The following AGK variants were observed in gnomAD, a reference collection of about 807,000 sequenced individuals.
AGK encodes acylglycerol kinase, mitochondrial.
AGK carries 52 observed loss-of-function variants against 66.4 expected under a neutral mutation model. That is an observed-to-expected ratio of 0.78 (90% CI 0.63 to 0.99). AGK has a LOEUF of 0.99. Among genes scored for constraint, AGK ranks in the 50% least tolerant of loss-of-function variants. The pLI is 0.00. For synonymous variants in AGK, 182 were observed against 181.1 expected, an observed-to-expected ratio of 1.00 and a Z score of -0.04; for missense variants, 451 against 506.6, an observed-to-expected ratio of 0.89 and a Z score of 1.05.
chr7:141,569,467 G>T (rs1240262746), intron 2 of AGK, among the ~76,000 whole-genome samples: 2 of 152,146 alleles, frequency 1.3e-5, no homozygotes, highest in African/African-American at 4.8e-5. Flanking sequence ...CCGGGAGGTG[G>T]AGGCTACAGT....
chr7:141,629,531 A>G (rs1372765210), intron 9 of AGK, among the ~76,000 whole-genome samples: 1 of 151,970 alleles, frequency 6.6e-6, no homozygotes, highest in African/African-American at 2.4e-5. Flanking sequence ...TTCTGTGTTC[A>G]TGTGTACCCC....
chr7:141,601,341 C>A, intron 5 of AGK, 61 bp downstream of exon 5: 2 of 1,331,212 alleles, frequency 1.5e-6, no homozygotes, highest in South Asian at 1.3e-5. Context: ...ACAACCTCTT[C>A]TCTTGGCTTC....
At chr7:141,652,149 C>T (rs997843909) in intron 15 of AGK, among the ~76,000 whole-genome samples, 1 of 152,138 alleles carries the variant, frequency 6.6e-6, no homozygotes, top group Non-Finnish European at 1.5e-5. Context: ...CTTCATATAG[C>T]CTTTGAAGAC....
At position 141,588,045 on chromosome 7, in the gene AGK, A is replaced by G. The variant is rs568703808; in HGVS notation, c.102-5101A>G. Among the ~76,000 whole-genome samples, 3 of 152,370 alleles carry G rather than the reference A, an allele frequency of 2.0e-5. No homozygotes were observed. In the South Asian group the frequency reaches 6.2e-4, roughly 32 times the overall value. ...TGAGTTTGTTTCAACAACTACCTTC[A>G]GAAGCATTATTGCATCTGACCTTTT... On this transcript the variant is annotated intron_variant, in intron 2 of 15. Coordinates refer to ENST00000649286, the MANE Select transcript of AGK (RefSeq NM_018238.4).
At chr7:141,573,596 A>T (rs1010180085) in intron 2 of AGK, among the ~76,000 whole-genome samples, 1 of 152,236 alleles carries the variant, frequency 6.6e-6, no homozygotes, top group African/African-American at 2.4e-5. Flanking sequence ...TTCATGTCCC[A>T]GAACAGCAAA....
intron 5 of AGK, among the ~76,000 whole-genome samples, chr7:141,606,017 C>T (rs114458604): frequency 0.013 from 1,914 of 152,230 alleles, 27 homozygotes; most frequent in African/African-American, 0.039. Flanking sequence ...AAATGTAAGT[C>T]GTACCCAGGT....
rs1795576592 is a variant in AGK at position 141,570,471 on chromosome 7, G to T, written c.101+14904G>T. On this transcript the variant is annotated intron_variant, in intron 2 of 15. Transcript: ENST00000649286. The stretch of plus-strand genomic sequence containing the variant: ...CGAGGGGTACAAAGTACATGTTAAG[G>T]ATGTCTAAAGAAAAAAATTAATTTA... Among the ~76,000 whole-genome samples the T allele has an allele frequency of 2.6e-5, 4 of 152,076 alleles. No individual in the cohort carries two copies. In the South Asian group the frequency reaches 8.3e-4, roughly 32 times the overall value.
chr7:141,637,245 A>G (rs1797195402), intron 11 of AGK, among the ~76,000 whole-genome samples: 1 of 152,020 alleles, frequency 6.6e-6, no homozygotes, highest in Non-Finnish European at 1.5e-5. Flanking sequence ...CCCATATTTA[A>G]TCTCTCTTAA....
chr7:141,574,439 T>C (rs1026988027), intron 2 of AGK, among the ~76,000 whole-genome samples: 11 of 152,076 alleles, frequency 7.2e-5, no homozygotes, highest in African/African-American at 2.7e-4. Context: ...GAAATTGATA[T>C]CTCGCGGAGA....
intron 2 of AGK, among the ~76,000 whole-genome samples, chr7:141,572,306 G>A (rs1795622598): frequency 6.6e-6 from 1 of 152,174 alleles, no homozygotes; most frequent in Non-Finnish European, 1.5e-5. Context: ...AGGTAATAAA[G>A]GCCTAAACCA....
intron 4 of AGK, 134 bp from the exon 5 acceptor site, chr7:141,601,070 TC>T (rs1166120663): frequency 3.4e-6 from 2 of 593,296 alleles, no homozygotes; most frequent in Non-Finnish European, 5.8e-6. Context: ...TGTTAAACTT[TC>T]TGTGCTTGAA....
intron 2 of AGK, among the ~76,000 whole-genome samples, chr7:141,576,174 A>G (rs1795733577): frequency 6.6e-6 from 1 of 152,264 alleles, no homozygotes; most frequent in South Asian, 2.1e-4. Context: ...ATATCAATAA[A>G]TTTTCAGTGC....
chr7:141,613,673 A>AT (rs112844510), intron 6 of AGK, among the ~76,000 whole-genome samples: 32 of 151,570 alleles, frequency 2.1e-4, no homozygotes, highest in Middle Eastern at 3.4e-3. Context: ...AATTATGAGA[A>AT]TTTTTTTTTG....
intron 7 of AGK, 21 bp downstream of exon 7, chr7:141,614,199 G>C: frequency 1.4e-6 from 2 of 1,473,324 alleles, no homozygotes; most frequent in Non-Finnish European, 1.8e-6. Flanking sequence ...AAGAGTAATT[G>C]CATTTTAACT....
At position 141,621,745 on chromosome 7, in the gene AGK, G is replaced by A; in HGVS notation, c.532G>A (p.Ala178Thr). The A allele has an allele frequency of 6.2e-7, 1 of 1,613,088 alleles. No individual in the cohort carries two copies. Among genetic ancestry groups the A allele is most frequent in the Non-Finnish European group, 8.5e-7 (1 of 1,179,326 alleles). The change falls in exon 9 of 16, where the codon GCC becomes ACC. Residue 178 changes from alanine (A) to threonine (T), a missense_variant. Physicochemically the swap from Ala to Thr is moderately conservative, Grantham distance 58 (BLOSUM62 0). Transcript: ENST00000649286. ...SGNKVQHITD[A>T]TLAIVKGETV... ...TTTCTCTTTTAGACATATTACTGAT[G>A]CCACACTTGCCATTGTGAAAGGAGA...
chr7:141,625,450 A>G (rs1407787620), intron 9 of AGK, among the ~76,000 whole-genome samples: 1 of 152,104 alleles, frequency 6.6e-6, no homozygotes, highest in Non-Finnish European at 1.5e-5. Flanking sequence ...CCTGGGCTCA[A>G]GGGATCTTCC....
intron 1 of AGK, among the ~76,000 whole-genome samples, chr7:141,552,102 C>G (rs1007175516): frequency 6.6e-6 from 1 of 152,230 alleles, no homozygotes; most frequent in African/African-American, 2.4e-5. Flanking sequence ...CTGCCAATTT[C>G]TACTTTCTAA....
At chr7:141,576,993 T>A (rs1795756120) in intron 2 of AGK, among the ~76,000 whole-genome samples, 1 of 152,024 alleles carries the variant, frequency 6.6e-6, no homozygotes, top group Admixed American at 6.6e-5. Context: ...TGAGCTGAGA[T>A]CATGCCACTG....
intron 2 of AGK, among the ~76,000 whole-genome samples, chr7:141,566,006 T>C (rs1161628598): frequency 1.3e-5 from 2 of 152,234 alleles, no homozygotes; most frequent in African/African-American, 2.4e-5. Context: ...ACTTGCCACA[T>C]TTTATACTTT....
Sources: gnomAD v4.1 joint callset for allele counts (sites outside exome capture counted in the v4.1 genomes callset) on GRCh38, gnomAD v4.1.1 for gene constraint, MANE v1.5 for transcripts, NCBI Gene and HGNC (gene_info 2026-07-23, HGNC 2026-07-21) for gene names.